The following HP1BP3 variants were observed in gnomAD, a reference collection of about 807,000 sequenced individuals.
HP1BP3 encodes heterochromatin protein 1-binding protein 3.
In HP1BP3, 12 loss-of-function variants were observed where a neutral mutation model predicts 62.5. That is an observed-to-expected ratio of 0.19 (90% CI 0.12 to 0.31). The LOEUF is 0.31. Ranked by LOEUF, HP1BP3 falls within the 10% of genes least tolerant of loss-of-function variation. The probability of loss-of-function intolerance (pLI) is 1.00; values close to 1 mark genes in which losing one functional copy is unlikely to be tolerated. For missense variants in HP1BP3, 502 were observed against 651.8 expected (o/e 0.77, Z 2.50); for synonymous variants, 260 against 237.8 (o/e 1.09, Z -0.86).
rs1236236544 is a variant in HP1BP3, at chr1:20,746,469, A to G, written c.1254-813T>C. ...AAGTAACACTTATGTTTGTACAGAA[A>G]TAATAATATAAGAAAGTTACACAAT... On this transcript the variant is annotated intron_variant, in intron 11 of 12. Transcript: ENST00000438032. Among the ~76,000 whole-genome samples, 4 of 152,204 alleles carry G rather than the reference A, an allele frequency of 2.6e-5. No individual in the cohort carries two copies. In the East Asian group the frequency reaches 5.8e-4, roughly 22 times the overall value.
chr1:20,782,921 A>G (rs894286366), intron 1 of HP1BP3, among the ~76,000 whole-genome samples: 15 of 150,712 alleles, frequency 1.0e-4, no homozygotes, highest in African/African-American at 3.4e-4. Context: ...AAAAAAAAAA[A>G]AAAAAAGAAA....
intron 8 of HP1BP3, among the ~76,000 whole-genome samples, chr1:20,760,011 C>T (rs1423251345): frequency 1.3e-5 from 2 of 151,812 alleles, no homozygotes; most frequent in African/African-American, 2.4e-5. Flanking sequence ...GCCTCAGCCT[C>T]CTGAGTAGCT....
In HP1BP3 at chr1:20,740,447, T is replaced by C. The variant is rs1354974102; in HGVS notation, c.*4350A>G. ...ACAGTTAAAACAGTTAAAAAGCTGA[T>C]AAAATTAAATCATCAAAGGTAGAAA... On this transcript the variant is annotated 3_prime_UTR_variant, in exon 13 of 13. Coordinates refer to ENST00000438032, the MANE Select transcript of HP1BP3 (RefSeq NM_001372052.1). Among the ~76,000 whole-genome samples, 1 of 152,128 alleles carries C rather than the reference T, an allele frequency of 6.6e-6. No individual in the cohort carries two copies. Among genetic ancestry groups the C allele is most frequent in the Non-Finnish European group, 1.5e-5 (1 of 68,006 alleles).
At chr1:20,781,752 G>C (rs950756844) in intron 1 of HP1BP3, among the ~76,000 whole-genome samples, 4 of 152,108 alleles carry the variant, frequency 2.6e-5, no homozygotes, top group Non-Finnish European at 5.9e-5. Flanking sequence ...TCACCTTCCT[G>C]AGTAGCTGGG....
intron 8 of HP1BP3, among the ~76,000 whole-genome samples, chr1:20,763,125 C>T (rs181531980): frequency 2.6e-5 from 4 of 152,254 alleles, no homozygotes; most frequent in African/African-American, 2.4e-5. Context: ...CCATGTGATA[C>T]GATAGCTCCT....
chr1:20,764,585 A>G (rs534030090), intron 8 of HP1BP3, among the ~76,000 whole-genome samples: 1 of 150,758 alleles, frequency 6.6e-6, no homozygotes, highest in East Asian at 2.0e-4. Context: ...AAGATATTTC[A>G]TATCTGAGAA....
chr1:20,756,768 C>T (rs2056136485), intron 9 of HP1BP3, among the ~76,000 whole-genome samples: 1 of 152,138 alleles, frequency 6.6e-6, no homozygotes, highest in South Asian at 2.1e-4. Context: ...TAGCCTAGAG[C>T]ACAGTGGTGC....
At chr1:20,765,046 G>C (rs1464431165) in intron 8 of HP1BP3, among the ~76,000 whole-genome samples, 4 of 150,962 alleles carry the variant, frequency 2.6e-5, no homozygotes, top group Non-Finnish European at 5.9e-5. Context: ...GCGGGTGCCT[G>C]TAGGCGCAGC....
intron 9 of HP1BP3, among the ~76,000 whole-genome samples, chr1:20,756,003 A>C (rs1230511997): frequency 2.6e-5 from 4 of 152,204 alleles, no homozygotes; most frequent in Non-Finnish European, 5.9e-5. Flanking sequence ...TGGAATAGGG[A>C]GTGACTGCAA....
At chr1:20,761,644 T>A (rs942020456) in intron 8 of HP1BP3, among the ~76,000 whole-genome samples, 1 of 152,206 alleles carries the variant, frequency 6.6e-6, no homozygotes, top group Non-Finnish European at 1.5e-5. Context: ...GCTAGATTCA[T>A]ACATTTGTGA....
intron 4 of HP1BP3, chr1:20,775,794 A>T: frequency 1.8e-6 from 1 of 540,724 alleles, no homozygotes; most frequent in Non-Finnish European, 3.1e-6. Context: ...TAGAAGCAAC[A>T]GACTATCCCA....
chr1:20,779,109 T>C (rs971506988), intron 3 of HP1BP3, among the ~76,000 whole-genome samples: 2 of 152,018 alleles, frequency 1.3e-5, no homozygotes, highest in African/African-American at 4.8e-5. Context: ...TAATACATGC[T>C]GGTCAGCAAA....
intron 6 of HP1BP3, among the ~76,000 whole-genome samples, chr1:20,769,675 T>C (rs937186716): frequency 6.6e-6 from 1 of 152,150 alleles, no homozygotes; most frequent in Non-Finnish European, 1.5e-5. Context: ...CACCTCAGCG[T>C]ACAGGTATGA....
chr1:20,750,029 T>C, intron 9 of HP1BP3, 147 bp from the exon 10 acceptor site: 2 of 1,411,196 alleles, frequency 1.4e-6, no homozygotes, highest in African/African-American at 2.9e-5. Context: ...GGACTTTCTC[T>C]TCCCATTCAA....
At chr1:20,761,342 G>A (rs573982060) in intron 8 of HP1BP3, among the ~76,000 whole-genome samples, 1 of 152,102 alleles carries the variant, frequency 6.6e-6, no homozygotes, top group South Asian at 2.1e-4. Flanking sequence ...TACCCAGCCT[G>A]TTTACTGATA....
At chr1:20,778,686 G>C (rs1017234456) in intron 3 of HP1BP3, among the ~76,000 whole-genome samples, 5 of 151,976 alleles carry the variant, frequency 3.3e-5, no homozygotes, top group Non-Finnish European at 5.9e-5. Context: ...TTCATCTAAG[G>C]ATTTAGAGAA....
intron 1 of HP1BP3, among the ~76,000 whole-genome samples, chr1:20,781,443 G>A (rs1400086298): frequency 2.0e-5 from 3 of 152,156 alleles, no homozygotes; most frequent in Non-Finnish European, 2.9e-5. Flanking sequence ...GATAAATCCG[G>A]AAGATTGAAA....
At chr1:20,752,294 C>T (rs2055813898) in intron 9 of HP1BP3, among the ~76,000 whole-genome samples, 1 of 151,844 alleles carries the variant, frequency 6.6e-6, no homozygotes, top group African/African-American at 2.4e-5. Context: ...TTTGCTTTTT[C>T]ACTGTCTTTT....
intron 1 of HP1BP3, among the ~76,000 whole-genome samples, chr1:20,786,950 C>T (rs1433849726): frequency 6.6e-6 from 1 of 151,986 alleles, no homozygotes; most frequent in Admixed American, 6.5e-5. Flanking sequence ...AGCGCGCGCG[C>T]CGGAGGGCCC....
Sources: gnomAD v4.1 joint callset for allele counts (sites outside exome capture counted in the v4.1 genomes callset) on GRCh38, gnomAD v4.1.1 for gene constraint, MANE v1.5 for transcripts, NCBI Gene and HGNC (gene_info 2026-07-23, HGNC 2026-07-21) for gene names.